Variants in PID1 observed in about 807,000 individuals in gnomAD.
PID1 encodes the protein phosphotyrosine interaction domain containing 1.
PID1 carries 10 observed loss-of-function variants against 19.1 expected under a neutral mutation model. That is an observed-to-expected ratio of 0.52 (90% CI 0.32 to 0.89). PID1 has a LOEUF of 0.89. Among genes scored for constraint, PID1 ranks in the 40% least tolerant of loss-of-function variants. The pLI is 0.03. For missense variants in PID1, 248 were observed against 285.3 expected (o/e 0.87, Z 0.94); for synonymous variants, 130 against 116.0 (o/e 1.12, Z -0.78).
intron 1 of PID1, among the ~76,000 whole-genome samples, chr2:229,240,407 T>A (rs1395674276): frequency 6.6e-6 from 1 of 152,132 alleles, no homozygotes; most frequent in East Asian, 1.9e-4. Flanking sequence ...CTTAGCTTTG[T>A]GTAACTCAGA....
rs143922961 is a variant in PID1, at chr2:229,187,044, C to T, written c.31-31080G>A. Among the ~76,000 whole-genome samples, 187 of 152,268 alleles carry T rather than the reference C, an allele frequency of 1.2e-3. 1 individual carries two copies. Among genetic ancestry groups the T allele is most frequent in the African/African-American group, 4.2e-3 (176 of 41,554 alleles). ...AGTCTCTTTACTAAAACATAGCAAGCGTCACCTTTGCTCCAGTTCCCAACA... is the reference window on the plus strand; with the variant it reads ...AGTCTCTTTACTAAAACATAGCAAGTGTCACCTTTGCTCCAGTTCCCAACA... On this transcript the variant is annotated intron_variant, in intron 1 of 2. Coordinates refer to ENST00000392055, the MANE Select transcript of PID1 (RefSeq NM_001100818.2).
At chr2:229,142,150 G>A (rs199593205) in intron 2 of PID1, among the ~76,000 whole-genome samples, 2 of 152,012 alleles carry the variant, frequency 1.3e-5, no homozygotes, top group East Asian at 3.9e-4. Context: ...ACCTGGGGCG[G>A]GGGCTGTATT....
chr2:229,199,745 T>TATATAC (rs1491155550), intron 1 of PID1, among the ~76,000 whole-genome samples: 23 of 122,542 alleles, frequency 1.9e-4, no homozygotes, highest in South Asian at 1.1e-3. Flanking sequence ...TATATATATA[T>TATATAC]ACACATACAC....
chr2:229,255,644 C>T (rs1471661517), intron 1 of PID1, among the ~76,000 whole-genome samples: 1 of 152,136 alleles, frequency 6.6e-6, no homozygotes, highest in Non-Finnish European at 1.5e-5. Flanking sequence ...CAGTAAAATT[C>T]CCCAAAATAA....
At chr2:229,204,720 C>A (rs1183218103) in intron 1 of PID1, among the ~76,000 whole-genome samples, 4 of 152,074 alleles carry the variant, frequency 2.6e-5, no homozygotes, top group Admixed American at 2.6e-4. Context: ...CGGGGCTCAA[C>A]CTGTGGCTTT....
chr2:229,192,123 C>A (rs944013435), intron 1 of PID1, among the ~76,000 whole-genome samples: 4 of 151,966 alleles, frequency 2.6e-5, no homozygotes, highest in African/African-American at 7.3e-5. Flanking sequence ...CAAAAAAATA[C>A]AGAAAATGTA....
At chr2:229,084,742 A>G (rs1051869312) in intron 2 of PID1, among the ~76,000 whole-genome samples, 2 of 152,198 alleles carry the variant, frequency 1.3e-5, no homozygotes, top group Admixed American at 1.3e-4. Flanking sequence ...ACAAAGGGCG[A>G]GTGGAGTCTG....
chr2:229,221,442 A>G (rs940812850), intron 1 of PID1, among the ~76,000 whole-genome samples: 2 of 152,094 alleles, frequency 1.3e-5, no homozygotes, highest in African/African-American at 2.4e-5. Flanking sequence ...TAGCCTTCTA[A>G]ATCTGCAGCC....
intron 2 of PID1, among the ~76,000 whole-genome samples, chr2:229,029,878 T>C (rs1022741705): frequency 1.3e-5 from 2 of 151,428 alleles, no homozygotes; most frequent in Non-Finnish European, 2.9e-5. Flanking sequence ...AATTACTATA[T>C]GACTCTGTAG....
rs140262124 is a variant in PID1 at position 229,195,673 on chromosome 2, T to C, written c.31-39709A>G. ...AATACCTAGAACATGGACAAGCATA[T>C]AGACAAGCATATATACATGGACAAG... is the stretch of plus-strand genomic sequence containing the variant. On this transcript the variant is annotated intron_variant, in intron 1 of 2. Coordinates refer to ENST00000392055, the MANE Select transcript of PID1 (RefSeq NM_001100818.2). Among the ~76,000 whole-genome samples, 27 of 152,042 alleles carry C rather than the reference T, an allele frequency of 1.8e-4. No homozygotes were observed. The East Asian group carries it at 3.1e-3, about 17-fold the overall frequency.
At chr2:229,079,012 A>G (rs967355784) in intron 2 of PID1, among the ~76,000 whole-genome samples, 5 of 152,272 alleles carry the variant, frequency 3.3e-5, no homozygotes, top group Non-Finnish European at 7.3e-5. Flanking sequence ...TATGTTTCCA[A>G]AGTAGAACTG....
chr2:229,260,388 A>G (rs1487405137), intron 1 of PID1, among the ~76,000 whole-genome samples: 1 of 151,952 alleles, frequency 6.6e-6, no homozygotes, highest in African/African-American at 2.4e-5. Context: ...GCTAAAAGGA[A>G]TGAGTTGGGT....
intron 2 of PID1, among the ~76,000 whole-genome samples, chr2:229,149,927 G>A (rs1365703365): frequency 6.6e-6 from 1 of 152,082 alleles, no homozygotes; most frequent in African/African-American, 2.4e-5. Context: ...GGAACAGAAA[G>A]GAAGGGGAGC....
chr2:229,172,893 G>A (rs968612570), intron 1 of PID1, among the ~76,000 whole-genome samples: 22 of 151,922 alleles, frequency 1.4e-4, no homozygotes, highest in South Asian at 2.1e-4. Flanking sequence ...CACCATGCCC[G>A]GCTGATTTTT....
chr2:229,156,681 C>T (rs1262987853), intron 1 of PID1, among the ~76,000 whole-genome samples: 1 of 152,116 alleles, frequency 6.6e-6, no homozygotes. Flanking sequence ...GAGAATTGCC[C>T]CACCGTCACC....
intron 1 of PID1, among the ~76,000 whole-genome samples, chr2:229,210,525 CAAAAAAAAA>C (rs1170895327): frequency 2.6e-4 from 4 of 15,534 alleles, no homozygotes; most frequent in African/African-American, 1.1e-3. Flanking sequence ...AGTTTTGTCT[CAAAAAAAAA>C]AAAAAAAAAA....
At chr2:229,059,199 C>T (rs563106769) in intron 2 of PID1, among the ~76,000 whole-genome samples, 7 of 152,136 alleles carry the variant, frequency 4.6e-5, no homozygotes, top group South Asian at 2.1e-4. Context: ...TGGAAATGGG[C>T]GTGTGTGTGG....
chr2:229,246,057 A>T (rs752007384), intron 1 of PID1, among the ~76,000 whole-genome samples: 1 of 152,170 alleles, frequency 6.6e-6, no homozygotes, highest in East Asian at 1.9e-4. Flanking sequence ...TCTTTTCTGT[A>T]GAAATAAAAA....
intron 1 of PID1, among the ~76,000 whole-genome samples, chr2:229,252,585 C>T (rs1690182753): frequency 1.3e-5 from 2 of 152,132 alleles, no homozygotes; most frequent in African/African-American, 4.8e-5. Context: ...GAGCTATTTA[C>T]CATTAACAGA....
Sources: allele counts gnomAD v4.1 joint callset (sites outside exome capture counted in the v4.1 genomes callset), GRCh38; gene constraint gnomAD v4.1.1; transcripts MANE v1.5; gene names NCBI Gene and HGNC (gene_info 2026-07-23, HGNC 2026-07-21).